MDGA2: variants seen among roughly 807,000 people sequenced by gnomAD.
The protein encoded by MDGA2 is MAM domain-containing glycosylphosphatidylinositol anchor protein 2.
A neutral mutation model predicts 117.8 loss-of-function variants in MDGA2; 40 were observed. That is an observed-to-expected ratio of 0.34 (90% CI 0.26 to 0.44). The LOEUF is 0.44. Among genes scored for constraint, MDGA2 ranks in the 20% least tolerant of loss-of-function variants. The pLI, the probability that MDGA2 is intolerant of heterozygous loss-of-function variation, is 1.00. For missense variants in MDGA2, 1,123 were observed against 1,250.6 expected, an observed-to-expected ratio of 0.90 and a Z score of 1.54; for synonymous variants, 452 against 439.0, an observed-to-expected ratio of 1.03 and a Z score of -0.37.
chr14:46,994,504 C>A (rs1258351149), intron 8 of MDGA2, among the ~76,000 whole-genome samples: 1 of 77,838 alleles, frequency 1.3e-5, no homozygotes, highest in Non-Finnish European at 2.6e-5. Context: ...GGCAAACATG[C>A]ACACATACAA....
intron 1 of MDGA2, among the ~76,000 whole-genome samples, chr14:47,354,412 T>G (rs1011090452): frequency 6.6e-6 from 1 of 152,104 alleles, no homozygotes; most frequent in African/African-American, 2.4e-5. Context: ...AACAGTCAGA[T>G]CCAGAGATGC....
chr14:47,062,484 T>C (rs1889921974), intron 6 of MDGA2, among the ~76,000 whole-genome samples: 1 of 144,782 alleles, frequency 6.9e-6, no homozygotes, highest in Middle Eastern at 3.6e-3. Context: ...GTGATTCTCT[T>C]ATACACAGAT....
chr14:46,920,999 T>C (rs370274954), intron 9 of MDGA2, among the ~76,000 whole-genome samples: 3 of 152,198 alleles, frequency 2.0e-5, no homozygotes, highest in Non-Finnish European at 4.4e-5. Flanking sequence ...TTTTTCTTAA[T>C]TGCCAAAATG....
chr14:47,309,044 C>T (rs1017436735), intron 1 of MDGA2, among the ~76,000 whole-genome samples: 2 of 152,060 alleles, frequency 1.3e-5, no homozygotes, highest in African/African-American at 4.8e-5. Context: ...CTCCCTGCAC[C>T]CATGAACATA....
At position 47,547,810 on chromosome 14, in the gene MDGA2, A is replaced by G. The variant is rs528669515; in HGVS notation, c.280+126707T>C. Among the ~76,000 whole-genome samples the G allele has an allele frequency of 7.9e-4, 121 of 152,310 alleles. 2 individuals are homozygous for G. Among genetic ancestry groups the G allele is most frequent in the African/African-American group, 2.8e-3 (115 of 41,570 alleles). ...TAACTGTAAATTCTGTAAAGCATCA[A>G]TTGAGCATTTGTAAATGCATAAAAA... On this transcript the variant is annotated intron_variant, in intron 1 of 16. Transcript: ENST00000399232.
rs533940405 is a variant in MDGA2, at chr14:47,285,857, T to C, written c.420+15554A>G. 7.2e-5 allele frequency among the ~76,000 whole-genome samples: 11 copies of C among 152,182 alleles called. No individual in the cohort carries two copies. The South Asian group carries it at 1.7e-3, about 23-fold the overall frequency. ...CAGTATTTTCCAAAAGCAGCATAAT[T>C]AATTAAAATACTAAATTAACCAAAT... is the stretch of plus-strand genomic sequence containing the variant. On this transcript the variant is annotated intron_variant, in intron 2 of 16. Coordinates refer to ENST00000399232, the MANE Select transcript of MDGA2 (RefSeq NM_001113498.3).
intron 3 of MDGA2, among the ~76,000 whole-genome samples, chr14:47,183,171 T>G (rs1406281636): frequency 2.0e-5 from 3 of 152,134 alleles, no homozygotes; most frequent in Non-Finnish European, 4.4e-5. Context: ...ATCATCTATC[T>G]AATTTACTAC....
intron 10 of MDGA2, among the ~76,000 whole-genome samples, chr14:46,912,348 C>G (rs1883738401): frequency 6.6e-6 from 1 of 152,126 alleles, no homozygotes; most frequent in East Asian, 1.9e-4. Context: ...GCTGGAAATT[C>G]TATTACTACT....
chr14:47,357,993 C>T (rs1891033589), intron 1 of MDGA2, among the ~76,000 whole-genome samples: 1 of 151,982 alleles, frequency 6.6e-6, no homozygotes, highest in African/African-American at 2.4e-5. Flanking sequence ...TTTTCTGGTA[C>T]ACACTGTGGA....
At chr14:46,906,079 T>A (rs1883481570) in intron 10 of MDGA2, among the ~76,000 whole-genome samples, 2 of 151,974 alleles carry the variant, frequency 1.3e-5, no homozygotes, top group Non-Finnish European at 1.5e-5. Flanking sequence ...AGTATTAATA[T>A]TATACAGTTA....
At chr14:47,470,385 GAC>G (rs997267323) in intron 1 of MDGA2, among the ~76,000 whole-genome samples, 10 of 151,084 alleles carry the variant, frequency 6.6e-5, no homozygotes, top group African/African-American at 2.4e-4. Context: ...CTGATCTTGT[GAC>G]AGTTTGCTGA....
chr14:47,385,978 A>G (rs781244389), intron 1 of MDGA2, among the ~76,000 whole-genome samples: 122 of 152,266 alleles, frequency 8.0e-4, no homozygotes, highest in Non-Finnish European at 1.5e-3. Context: ...TATTTTTCTA[A>G]TTTATGAAAG....
intron 5 of MDGA2, among the ~76,000 whole-genome samples, chr14:47,120,470 C>T (rs373041655): frequency 6.6e-6 from 1 of 152,038 alleles, no homozygotes; most frequent in Non-Finnish European, 1.5e-5. Context: ...AAAGAAATAC[C>T]TTTGAAATAT....
At chr14:47,422,410 TC>T (rs1342852995) in intron 1 of MDGA2, among the ~76,000 whole-genome samples, 6 of 152,208 alleles carry the variant, frequency 3.9e-5, no homozygotes, top group African/African-American at 1.4e-4. Flanking sequence ...TCCTCCAGCT[TC>T]CAGGTTAACA....
chr14:47,450,849 G>T (rs924103215), intron 1 of MDGA2, among the ~76,000 whole-genome samples: 1 of 152,102 alleles, frequency 6.6e-6, no homozygotes, highest in Non-Finnish European at 1.5e-5. Flanking sequence ...ATAGAGAACT[G>T]AAGGACTTGC....
At chr14:47,316,650 T>C (rs1030048955) in intron 1 of MDGA2, among the ~76,000 whole-genome samples, 8 of 152,124 alleles carry the variant, frequency 5.3e-5, no homozygotes, top group Admixed American at 3.9e-4. Context: ...GGTAGGCTTC[T>C]GTCTAATCAA....
intron 1 of MDGA2, among the ~76,000 whole-genome samples, chr14:47,499,821 T>G (rs1894362450): frequency 6.6e-6 from 1 of 152,162 alleles, no homozygotes; most frequent in Non-Finnish European, 1.5e-5. Context: ...TAAACAGATT[T>G]TCATTTTCAA....
intron 3 of MDGA2, among the ~76,000 whole-genome samples, chr14:47,177,851 G>A (rs1371309849): frequency 6.6e-6 from 1 of 152,064 alleles, no homozygotes; most frequent in Non-Finnish European, 1.5e-5. Context: ...TTTATTATAT[G>A]TATGTGGTGT....
rs1884466149 is a variant in MDGA2 at position 47,176,695 on chromosome 14, A to G, written c.596-32421T>C. ...AAATGTTAGACCTAAAACCATAAAAACCCTAGAAGAAAACCTAGGCATTAC... is the reference window on the plus strand; with the variant it reads ...AAATGTTAGACCTAAAACCATAAAAGCCCTAGAAGAAAACCTAGGCATTAC... On this transcript the variant is annotated intron_variant, in intron 3 of 16. Coordinates refer to ENST00000399232, the MANE Select transcript of MDGA2 (RefSeq NM_001113498.3). Among the ~76,000 whole-genome samples the G allele has an allele frequency of 2.6e-5, 4 of 152,302 alleles. No homozygotes were observed. In the South Asian group the frequency reaches 8.3e-4, roughly 32 times the overall value.
Sources: gnomAD v4.1 joint callset for allele counts (sites outside exome capture counted in the v4.1 genomes callset) on GRCh38, gnomAD v4.1.1 for gene constraint, MANE v1.5 for transcripts, NCBI Gene and HGNC (gene_info 2026-07-23, HGNC 2026-07-21) for gene names.